Variants in GALNT13 observed in about 807,000 individuals in gnomAD.
The protein encoded by GALNT13 is UDP-GalNAc:polypeptide N-acetylgalactosaminyltransferase 13.
In GALNT13, 28 loss-of-function variants were observed where a neutral mutation model predicts 64.2. That is an observed-to-expected ratio of 0.44 (90% CI 0.32 to 0.60). The LOEUF (loss-of-function observed/expected upper bound fraction) is 0.60, where lower values mean the gene tolerates loss of function less well. Among genes scored for constraint, GALNT13 ranks in the 20% least tolerant of loss-of-function variants. The pLI is 0.05. For missense variants in GALNT13, 577 were observed against 669.8 expected (o/e 0.86, Z 1.53); for synonymous variants, 214 against 224.6 (o/e 0.95, Z 0.42).
the GALNT13 span, among the ~76,000 whole-genome samples, chr2:153,289,772 A>C: frequency 6.6e-6 from 1 of 152,230 alleles, no homozygotes; most frequent in Non-Finnish European, 1.5e-5. Context: ...ACTGCAGGCC[A>C]GTGTAAACAT....
chr2:154,394,443 A>G (rs527960642), intron 9 of GALNT13, among the ~76,000 whole-genome samples: 3 of 152,298 alleles, frequency 2.0e-5, no homozygotes, highest in African/African-American at 7.2e-5. Flanking sequence ...GGATGTTGAT[A>G]TTAAATAAGC....
At chr2:154,287,397 A>C (rs1692332776) in intron 8 of GALNT13, 1 of 486,162 alleles carries the variant, frequency 2.1e-6, no homozygotes, top group Non-Finnish European at 3.9e-6. Flanking sequence ...CCTGTGGGGC[A>C]GTCCATGCTC....
At chr2:153,614,792 A>G in the GALNT13 span, among the ~76,000 whole-genome samples, 3 of 151,976 alleles carry the variant, frequency 2.0e-5, no homozygotes, top group Non-Finnish European at 4.4e-5. Context: ...GGTACATGAG[A>G]TGTTTTGATA....
the GALNT13 span, among the ~76,000 whole-genome samples, chr2:153,323,110 C>T: frequency 1.4e-4 from 22 of 152,254 alleles, no homozygotes; most frequent in East Asian, 3.1e-3. Context: ...TTTATACTCC[C>T]GCCAACAGTG....
intron 3 of GALNT13, among the ~76,000 whole-genome samples, chr2:154,071,204 A>G (rs1383068967): frequency 1.3e-5 from 2 of 152,294 alleles, no homozygotes; most frequent in East Asian, 3.9e-4. Flanking sequence ...TAATTCAAGC[A>G]TCATGGCTTC....
At chr2:154,445,611 A>G (rs1008628121) in intron 12 of GALNT13, among the ~76,000 whole-genome samples, 2 of 152,040 alleles carry the variant, frequency 1.3e-5, no homozygotes, top group African/African-American at 4.8e-5. Flanking sequence ...TATTAACTAC[A>G]TAGTTAATAT....
intron 11 of GALNT13, chr2:154,409,287 T>C: frequency 1.8e-6 from 1 of 563,056 alleles, no homozygotes; most frequent in African/African-American, 1.9e-5. Flanking sequence ...GAGCAACACT[T>C]TCAGTGTGCC....
At chr2:154,260,419 G>A (rs1248085538) in intron 8 of GALNT13, among the ~76,000 whole-genome samples, 2 of 152,116 alleles carry the variant, frequency 1.3e-5, no homozygotes, top group Non-Finnish European at 2.9e-5. Flanking sequence ...GAATTCAGTG[G>A]ATCTTGGATA....
At chr2:153,166,000 G>A in the GALNT13 span, among the ~76,000 whole-genome samples, 7 of 152,150 alleles carry the variant, frequency 4.6e-5, no homozygotes, top group African/African-American at 1.7e-4. Flanking sequence ...ACCGACACAG[G>A]AAGCTATAAT....
the GALNT13 span, among the ~76,000 whole-genome samples, chr2:153,381,177 G>A: frequency 6.6e-6 from 1 of 151,996 alleles, no homozygotes; most frequent in African/African-American, 2.4e-5. Flanking sequence ...AAACTCCTGG[G>A]CTCAAGCCAT....
At chr2:154,396,224 G>A (rs771438330) in intron 10 of GALNT13, 94 bp downstream of exon 10, 1 of 742,938 alleles carries the variant, frequency 1.3e-6, no homozygotes, top group East Asian at 3.0e-5. Flanking sequence ...TGAAAATGCT[G>A]TAAGGGATTT....
At chr2:153,971,544 T>A (rs1425001988) in intron 3 of GALNT13, among the ~76,000 whole-genome samples, 1 of 152,142 alleles carries the variant, frequency 6.6e-6, no homozygotes, top group Non-Finnish European at 1.5e-5. Context: ...TTTGTTCCAA[T>A]AATAATTTAC....
chr2:153,988,203 T>C (rs1385937806), intron 3 of GALNT13, among the ~76,000 whole-genome samples: 2 of 151,872 alleles, frequency 1.3e-5, no homozygotes, highest in African/African-American at 4.8e-5. Flanking sequence ...CACCTGGTTA[T>C]CTTGCAATAT....
the GALNT13 span, among the ~76,000 whole-genome samples, chr2:153,153,121 A>C: frequency 6.6e-6 from 1 of 152,036 alleles, no homozygotes; most frequent in African/African-American, 2.4e-5. Context: ...ATGATATCTC[A>C]TTGTGGTTTT....
chr2:153,389,073 A>G, the GALNT13 span, among the ~76,000 whole-genome samples: 1 of 152,176 alleles, frequency 6.6e-6, no homozygotes, highest in Middle Eastern at 3.4e-3. Flanking sequence ...ACAGTTCATC[A>G]TATGCTCTAA....
intron 3 of GALNT13, among the ~76,000 whole-genome samples, chr2:153,967,579 T>C (rs893778313): frequency 6.6e-6 from 1 of 152,112 alleles, no homozygotes; most frequent in African/African-American, 2.4e-5. Flanking sequence ...CCCTGTCTTT[T>C]CCCCAGGCAA....
chr2:153,997,601 T>C (rs1695607211), intron 3 of GALNT13, among the ~76,000 whole-genome samples: 1 of 152,196 alleles, frequency 6.6e-6, no homozygotes, highest in Admixed American at 6.5e-5. Context: ...TCTACACATA[T>C]AATTATGTCA....
intron 3 of GALNT13, among the ~76,000 whole-genome samples, chr2:154,121,691 C>T (rs560722938): frequency 6.6e-6 from 1 of 151,832 alleles, no homozygotes; most frequent in South Asian, 2.1e-4. Context: ...ACCAAATACA[C>T]AATACTATAG....
chr2:154,277,950 A>G (rs1691741610), intron 8 of GALNT13, among the ~76,000 whole-genome samples: 1 of 152,156 alleles, frequency 6.6e-6, no homozygotes, highest in Non-Finnish European at 1.5e-5. Context: ...ATGTGATAAT[A>G]TATTTCTGCA....
Sources: allele counts gnomAD v4.1 joint callset (sites outside exome capture counted in the v4.1 genomes callset), GRCh38; gene constraint gnomAD v4.1.1; transcripts MANE v1.5; gene names NCBI Gene and HGNC (gene_info 2026-07-23, HGNC 2026-07-21).